Variants in ZNF41 observed in about 807,000 individuals in gnomAD.
ZNF41 encodes the protein zinc finger protein 41.
ZNF41 carries 6 observed loss-of-function variants against 9.3 expected under a neutral mutation model. That is an observed-to-expected ratio of 0.65 (90% CI 0.35 to 1.28). ZNF41 has a LOEUF of 1.28. Among genes scored for constraint, ZNF41 ranks in the 50% most tolerant of loss-of-function variants. The probability of loss-of-function intolerance (pLI) is 0.03; values close to 1 mark genes in which losing one functional copy is unlikely to be tolerated. For missense variants in ZNF41, 523 were observed against 585.8 expected, an observed-to-expected ratio of 0.89 and a Z score of 1.11; for synonymous variants, 192 against 207.1, an observed-to-expected ratio of 0.93 and a Z score of 0.63.
At chrX:47,476,199 A>G (rs1569301866) in intron 1 of ZNF41, among the ~76,000 whole-genome samples, 1 of 110,730 alleles carries the variant, frequency 9.0e-6, no homozygotes, top group East Asian at 2.8e-4. Context: ...CTAAAAATAC[A>G]AAAATGAGCT....
chrX:47,472,957 G>A lies in ZNF41; in HGVS notation c.-279-5197C>T, dbSNP rs1418923737. 4.5e-5 allele frequency among the ~76,000 whole-genome samples: 5 copies of A among 109,896 alleles called. No homozygotes were observed. The South Asian group carries it at 1.2e-3, about 25-fold the overall frequency. ...AGGCTGGTCTCGAACTCCTGACCTC[G>A]TGATCCGTCTGCCTCGGCCCCCCAA... is the stretch of plus-strand genomic sequence containing the variant. On this transcript the variant is annotated intron_variant, in intron 1 of 4. Coordinates refer to ENST00000684689, the MANE Select transcript of ZNF41 (RefSeq NM_001324144.2).
intron 1 of ZNF41, among the ~76,000 whole-genome samples, chrX:47,481,001 C>T (rs2057458048): frequency 9.0e-6 from 1 of 111,022 alleles, no homozygotes; most frequent in African/African-American, 3.3e-5. Flanking sequence ...CAGCCTCTAA[C>T]CACAATTTAG....
At chrX:47,473,023 CA>C (rs945886771) in intron 1 of ZNF41, among the ~76,000 whole-genome samples, 1 of 108,137 alleles carries the variant, frequency 9.2e-6, no homozygotes, top group Non-Finnish European at 1.9e-5. Context: ...GCCTGGCCTA[CA>C]AAAAAAATTT....
chrX:47,464,098 C>T (rs184541774), intron 2 of ZNF41, among the ~76,000 whole-genome samples: 33 of 111,346 alleles, frequency 3.0e-4, no homozygotes, highest in African/African-American at 1.0e-3. Context: ...ACTGCTCCGT[C>T]TGGCTGCTAT....
At chrX:47,464,102 C>G (rs1037273540) in intron 2 of ZNF41, among the ~76,000 whole-genome samples, 16 of 111,186 alleles carry the variant, frequency 1.4e-4, no homozygotes, top group Non-Finnish European at 2.4e-4. Flanking sequence ...CTCCGTCTGG[C>G]TGCTATTTGG....
At chrX:47,454,346 TA>T (rs1361679551) in intron 4 of ZNF41, among the ~76,000 whole-genome samples, 7 of 105,619 alleles carry the variant, frequency 6.6e-5, no homozygotes, top group Admixed American at 1.0e-4. Flanking sequence ...ATCACGAGGT[TA>T]AAAAAAAAAC....
At chrX:47,451,906 C>G (rs2056384022) in intron 4 of ZNF41, among the ~76,000 whole-genome samples, 1 of 112,080 alleles carries the variant, frequency 8.9e-6, no homozygotes, top group South Asian at 3.7e-4. Flanking sequence ...CCCAAATATC[C>G]CATGTACCCC....
intron 1 of ZNF41, among the ~76,000 whole-genome samples, chrX:47,471,322 G>A (rs896361878): frequency 2.7e-5 from 3 of 109,783 alleles, no homozygotes; most frequent in South Asian, 3.9e-4. Flanking sequence ...GGTGGCAGAC[G>A]CCTGTAATTG....
chrX:47,476,939 C>G (rs1190969184), intron 1 of ZNF41: 1 of 104,852 alleles, frequency 9.5e-6, no homozygotes, highest in Non-Finnish European at 2.0e-5. Flanking sequence ...GCCTGTAATC[C>G]TAGCTACTTG....
At chrX:47,478,460 T>A (rs1490100037) in intron 1 of ZNF41, among the ~76,000 whole-genome samples, 1 of 109,866 alleles carries the variant, frequency 9.1e-6, no homozygotes, top group Admixed American at 9.8e-5. Flanking sequence ...TGAGCCGAGA[T>A]CATGCCACTG....
intron 1 of ZNF41, among the ~76,000 whole-genome samples, chrX:47,480,137 T>A (rs1430479556): frequency 9.0e-6 from 1 of 110,969 alleles, no homozygotes; most frequent in Non-Finnish European, 1.9e-5. Context: ...AGAAAATTAA[T>A]TAAAGCAACC....
chrX:47,456,352 T>C lies in ZNF41; in HGVS notation c.119A>G (p.Glu40Gly). 8.3e-7 allele frequency: 1 copy of C among 1,211,378 alleles called. No homozygotes were observed. Among genetic ancestry groups the C allele is most frequent in the East Asian group, 3.0e-5 (1 of 33,825 alleles). ...EDVTVDFSKE[E>G]WQHLDPAQRR... ...CTGGGCAGGGTCCAAGTGCTGCCAC[T>C]CCTCCTTGCTGAAGTCCACAGTCAC... The change falls in exon 3 of 5, where the codon GAG becomes GGG. Residue 40 changes from glutamate (E) to glycine (G), a missense_variant. Coordinates refer to ENST00000684689, the MANE Select transcript of ZNF41 (RefSeq NM_001324144.2).
At chrX:47,467,327 C>T in intron 2 of ZNF41, 83 bp downstream of exon 2, 1 of 1,167,252 alleles carries the variant, frequency 8.6e-7, no homozygotes, top group South Asian at 1.9e-5. Context: ...GACTCACCTG[C>T]TTCTGCCCTT....
At chrX:47,480,134 TA>T (rs1436053544) in intron 1 of ZNF41, among the ~76,000 whole-genome samples, 2 of 111,042 alleles carry the variant, frequency 1.8e-5, no homozygotes, top group Non-Finnish European at 3.8e-5. Flanking sequence ...ACAAGAAAAT[TA>T]ATTAAAGCAA....
At chrX:47,461,340 C>T (rs1448172863) in intron 2 of ZNF41, among the ~76,000 whole-genome samples, 1 of 109,040 alleles carries the variant, frequency 9.2e-6, no homozygotes, top group African/African-American at 3.3e-5. Context: ...TCAGGTGATC[C>T]ACCCGGCTCG....
rs2056907729 is a variant in ZNF41, at chrX:47,464,120, A to G, written c.72+3290T>C. ...CGTCTGGCTGCTATTTGGTTCCTCT[A>G]TTTCCTGATACCTCCTCCTATTTCA... On this transcript the variant is annotated intron_variant, in intron 2 of 4. Transcript: ENST00000684689. Among the ~76,000 whole-genome samples the G allele has an allele frequency of 3.6e-5, 4 of 109,909 alleles. No individual in the cohort carries two copies. The Admixed American group carries it at 3.9e-4, about 11-fold the overall frequency.
chrX:47,467,496 T>A lies in ZNF41; in HGVS notation c.-15A>T. 8.5e-7 allele frequency: 1 copy of A among 1,178,106 alleles called. No homozygotes were observed. Among genetic ancestry groups the A allele is most frequent in the Non-Finnish European group, 1.1e-6 (1 of 877,457 alleles). On this transcript the variant is annotated 5_prime_UTR_variant, in exon 2 of 5. The change abolishes the stop of an existing upstream ORF in the 5' untranslated region. Transcript: ENST00000684689. ...TTAGCTGCCATGTTCACGCTGGGCC[T>A]CAGCCCTCAGGCTCTCCTGCTGACA... is the stretch of plus-strand genomic sequence containing the variant.
rs759706415 is a variant in ZNF41, at chrX:47,447,398, T to A, written c.*32A>T. ...TCCCTGCTATTAGATACCTGATGCA[T>A]ACCCAGTTGTGATTTCCAGGTGAAG... On this transcript the variant is annotated 3_prime_UTR_variant, in exon 5 of 5. Coordinates refer to ENST00000684689, the MANE Select transcript of ZNF41 (RefSeq NM_001324144.2). 8.3e-7 allele frequency: 1 copy of A among 1,207,045 alleles called. No homozygotes were observed. Among genetic ancestry groups the A allele is most frequent in the East Asian group, 3.0e-5 (1 of 33,837 alleles).
intron 1 of ZNF41, among the ~76,000 whole-genome samples, chrX:47,478,618 C>T (rs145281697): frequency 8.1e-5 from 9 of 111,579 alleles, no homozygotes; most frequent in African/African-American, 2.6e-4. Context: ...TACTATAACA[C>T]GGATGAGCTT....
Sources: allele counts gnomAD v4.1 joint callset (sites outside exome capture counted in the v4.1 genomes callset), GRCh38; gene constraint gnomAD v4.1.1; transcripts MANE v1.5; gene names NCBI Gene and HGNC (gene_info 2026-07-23, HGNC 2026-07-21).